Variants in PARD3B observed in about 807,000 individuals in gnomAD.
PARD3B encodes the protein par-3 family cell polarity regulator beta, also known as partitioning defective 3 homolog B.
A neutral mutation model predicts 130.2 loss-of-function variants in PARD3B; 103 were observed. That is an observed-to-expected ratio of 0.79 (90% CI 0.67 to 0.93). The LOEUF (loss-of-function observed/expected upper bound fraction) is 0.93. Among genes scored for constraint, PARD3B ranks in the 40% least tolerant of loss-of-function variants. The pLI is 0.00. For synonymous variants in PARD3B, 583 were observed against 553.2 expected, an observed-to-expected ratio of 1.05 and a Z score of -0.76; for missense variants, 1,609 against 1,499.2, an observed-to-expected ratio of 1.07 and a Z score of -1.21.
intron 1 of PARD3B, among the ~76,000 whole-genome samples, chr2:204,647,499 T>C (rs1324491079): frequency 6.6e-6 from 1 of 151,878 alleles, no homozygotes; most frequent in Non-Finnish European, 1.5e-5. Flanking sequence ...TTATTTCTAA[T>C]TCACTGAAAA....
At chr2:205,346,057 G>C (rs1042299866) in intron 18 of PARD3B, among the ~76,000 whole-genome samples, 12 of 144,362 alleles carry the variant, frequency 8.3e-5, no homozygotes, top group Non-Finnish European at 1.8e-4. Context: ...TGTAGTCCCA[G>C]CTACTCGGGA....
chr2:204,611,570 C>T (rs969658913), intron 1 of PARD3B, among the ~76,000 whole-genome samples: 1 of 152,126 alleles, frequency 6.6e-6, no homozygotes. Context: ...CTCTCCTGTT[C>T]TTCCTCATCT....
chr2:205,044,469 T>G (rs1463963258), intron 3 of PARD3B, among the ~76,000 whole-genome samples: 12 of 148,880 alleles, frequency 8.1e-5, no homozygotes, highest in South Asian at 4.4e-4. Context: ...CAGCACCTGT[T>G]GTTTCCTGAC....
chr2:205,608,595 C>T (rs2055107227), intron 22 of PARD3B, among the ~76,000 whole-genome samples: 1 of 152,128 alleles, frequency 6.6e-6, no homozygotes, highest in Non-Finnish European at 1.5e-5. Flanking sequence ...TAATTGTTCT[C>T]AGCACCCACT....
chr2:205,205,263 T>C (rs189225195), intron 15 of PARD3B, among the ~76,000 whole-genome samples: 29 of 152,298 alleles, frequency 1.9e-4, no homozygotes, highest in African/African-American at 6.7e-4. Flanking sequence ...TACTGGTGTA[T>C]AGGAATGCTT....
chr2:205,209,410 T>C (rs937193200), intron 15 of PARD3B, among the ~76,000 whole-genome samples: 5 of 152,092 alleles, frequency 3.3e-5, no homozygotes, highest in Admixed American at 6.6e-5. Context: ...AGAACTTTTG[T>C]TTTCATATAA....
rs373143491 is a variant in PARD3B, at chr2:205,288,478, T to A, written c.2186-12052T>A. Among the ~76,000 whole-genome samples, 9 of 152,314 alleles carry A rather than the reference T, an allele frequency of 5.9e-5. No homozygotes were observed. In the South Asian group the frequency reaches 1.9e-3, roughly 32 times the overall value. On this transcript the variant is annotated intron_variant, in intron 16 of 22. Coordinates refer to ENST00000406610, the MANE Select transcript of PARD3B (RefSeq NM_001302769.2). The surrounding 1 kb of genome is among the most constrained non-coding windows in gnomAD (Gnocchi z 4.0). ...CCTTTAATTTATTCTATGTGTGTCT[T>A]CCATATTATTTTTTCTCTGAATACC...
intron 22 of PARD3B, among the ~76,000 whole-genome samples, chr2:205,587,638 C>A (rs955870307): frequency 2.6e-5 from 4 of 152,162 alleles, no homozygotes; most frequent in Admixed American, 2.0e-4. Flanking sequence ...GTATTTCAGG[C>A]AAGCACTCAG....
chr2:205,002,709 T>C lies in PARD3B; in HGVS notation c.394+37386T>C, dbSNP rs79990198. On this transcript the variant is annotated intron_variant, in intron 3 of 22. Coordinates refer to ENST00000406610, the MANE Select transcript of PARD3B (RefSeq NM_001302769.2). ...TTGCAACAAGAGTCCCTCTTCAAAA[T>C]AGCCATCAGATCAGGTCTTTCCCCT... 8.5e-5 allele frequency among the ~76,000 whole-genome samples: 13 copies of C among 152,270 alleles called. No individual in the cohort carries two copies. The East Asian group carries it at 2.1e-3, about 25-fold the overall frequency.
chr2:204,926,558 T>C (rs1687633189), intron 2 of PARD3B, among the ~76,000 whole-genome samples: 2 of 152,124 alleles, frequency 1.3e-5, no homozygotes, highest in African/African-American at 4.8e-5. Flanking sequence ...CGCAGTACTA[T>C]GCCATGCCAT....
chr2:205,014,231 G>A (rs1439811874), intron 3 of PARD3B, among the ~76,000 whole-genome samples: 1 of 152,188 alleles, frequency 6.6e-6, no homozygotes, highest in Non-Finnish European at 1.5e-5. Flanking sequence ...TTTCAAGTAA[G>A]TCAGTGAAAA....
intron 16 of PARD3B, among the ~76,000 whole-genome samples, chr2:205,261,264 A>G (rs1054370864): frequency 6.6e-6 from 1 of 152,068 alleles, no homozygotes; most frequent in African/African-American, 2.4e-5. Flanking sequence ...TGAATGAATG[A>G]ATGAATATTC....
chr2:205,553,405 T>A lies in PARD3B; in HGVS notation c.3260+2T>A. 6 of 1,613,556 alleles carry A rather than the reference T, an allele frequency of 3.7e-6. No individual in the cohort carries two copies. Among genetic ancestry groups the A allele is most frequent in the Non-Finnish European group, 5.1e-6 (6 of 1,179,574 alleles). Reference sequence around the variant, plus strand: ...GAGGCAGTACGCATCCTTACCCAGGTAGATCACGGAGAGGTCTCCCATCTC... The same window carrying A: ...GAGGCAGTACGCATCCTTACCCAGGAAGATCACGGAGAGGTCTCCCATCTC... On this transcript the variant is annotated splice_donor_variant, in intron 22 of 22. Coordinates refer to ENST00000406610, the MANE Select transcript of PARD3B (RefSeq NM_001302769.2). LOFTEE classifies it high-confidence loss of function.
chr2:204,692,930 C>CGATGTCT (rs2037424453), intron 2 of PARD3B, among the ~76,000 whole-genome samples: 1 of 152,034 alleles, frequency 6.6e-6, no homozygotes, highest in Non-Finnish European at 1.5e-5. Flanking sequence ...TTATAGAACA[C>CGATGTCT]GATGTCTGTA....
intron 20 of PARD3B, among the ~76,000 whole-genome samples, chr2:205,441,528 A>C (rs143171663): frequency 6.6e-6 from 1 of 152,306 alleles, no homozygotes; most frequent in African/African-American, 2.4e-5. Context: ...GAAGAAGGGT[A>C]GCAGGCACAG....
chr2:204,766,807 C>CAAAAAA (rs57504030), intron 2 of PARD3B, among the ~76,000 whole-genome samples: 1 of 141,798 alleles, frequency 7.1e-6, no homozygotes, highest in African/African-American at 2.7e-5. Context: ...TTTTGTAAAT[C>CAAAAAA]AAAAAAAAAA....
At chr2:204,760,818 A>G (rs1463504336) in intron 2 of PARD3B, among the ~76,000 whole-genome samples, 2 of 152,164 alleles carry the variant, frequency 1.3e-5, no homozygotes, top group Non-Finnish European at 2.9e-5. Context: ...TGCATTATCC[A>G]TCATTAATTC....
chr2:205,267,132 G>A lies in PARD3B; in HGVS notation c.2185+21310G>A, dbSNP rs112419432. On this transcript the variant is annotated intron_variant, in intron 16 of 22. Transcript: ENST00000406610. The stretch of plus-strand genomic sequence containing the variant: ...CATACTTCGGATTTATTTTCAAAGG[G>A]GAGAAATCATTCTAAACTTCCCTGT... Among the ~76,000 whole-genome samples, 578 of 152,170 alleles carry A rather than the reference G, an allele frequency of 3.8e-3. 5 individuals carry two copies. Among genetic ancestry groups the A allele is most frequent in the Admixed American group, 7.1e-3 (108 of 15,278 alleles).
Position 205,187,090 on chromosome 2 carries a change from T to C in PARD3B, c.2024+1227T>C, listed in dbSNP as rs923925208. Among the ~76,000 whole-genome samples, 1 of 152,112 alleles carries C rather than the reference T, an allele frequency of 6.6e-6. No homozygotes were observed. ...TCCAAGTGATATTTACCAGAAGGTA[T>C]AGATAAAATGCTCTGAGCATCTGAG... On this transcript the variant is annotated intron_variant, in intron 14 of 22. Coordinates refer to ENST00000406610, the MANE Select transcript of PARD3B (RefSeq NM_001302769.2). This position sits in a 1 kb window ranked among gnomAD's most constrained non-coding sequence, Gnocchi z 4.9.
Sources: allele counts gnomAD v4.1 joint callset (sites outside exome capture counted in the v4.1 genomes callset), GRCh38; gene constraint gnomAD v4.1.1; non-coding constraint Gnocchi (gnomAD v3.1); transcripts MANE v1.5; gene names NCBI Gene and HGNC (gene_info 2026-07-23, HGNC 2026-07-21).